TBC1D26: variants seen among roughly 807,000 people sequenced by gnomAD.
TBC1D26 encodes TBC1 domain family member 26, also known as TBC1 domain family, member 26.
TBC1D26 carries 19 observed loss-of-function variants against 42.5 expected under a neutral mutation model. The observed-to-expected ratio is 0.45, with a 90% confidence interval of 0.31 to 0.66. The LOEUF (loss-of-function observed/expected upper bound fraction) is 0.66. Ranked by LOEUF, TBC1D26 falls within the 30% of genes least tolerant of loss-of-function variation. The probability of loss-of-function intolerance (pLI) is 0.06; values close to 1 mark genes in which losing one functional copy is unlikely to be tolerated. For missense variants in TBC1D26, 228 were observed against 332.6 expected (o/e 0.69, Z 2.45); for synonymous variants, 97 against 123.5 (o/e 0.79, Z 1.42).
chr17:15,733,763 T>G (rs939403141), intron 1 of TBC1D26: 2 of 152,244 alleles, frequency 1.3e-5, no homozygotes, highest in African/African-American at 2.4e-5. Flanking sequence ...CAATGGCCCA[T>G]TATGATGGGT....
chr17:15,734,850 TC>T, intron 1 of TBC1D26, 79 bp from the exon 2 acceptor site: 1 of 181,126 alleles, frequency 5.5e-6, no homozygotes, highest in Non-Finnish European at 1.2e-5. Context: ...CTGGCGTTGT[TC>T]CTGAAGCGGC....
chr17:15,743,216 C>A (rs1422930813), intron 13 of TBC1D26, among the ~76,000 whole-genome samples, 151 bp from the exon 14 acceptor site: 1 of 152,076 alleles, frequency 6.6e-6, no homozygotes, highest in Non-Finnish European at 1.5e-5. Context: ...CCCTGCCTTC[C>A]CCAACTGTAG....
chr17:15,736,879 C>T (rs1397733524), intron 4 of TBC1D26, among the ~76,000 whole-genome samples: 3 of 152,262 alleles, frequency 2.0e-5, no homozygotes, highest in African/African-American at 7.2e-5. Flanking sequence ...GCCAGGGTGG[C>T]CGGAGAGAGG....
intron 6 of TBC1D26, 60 bp downstream of exon 6, chr17:15,738,137 C>T: frequency 6.2e-7 from 1 of 1,613,204 alleles, no homozygotes; most frequent in Non-Finnish European, 8.5e-7. Flanking sequence ...AGACAGGCAC[C>T]CATGGTTGTG....
rs1967795758 is a variant in TBC1D26 at position 15,741,922 on chromosome 17, A to G, written c.647-20A>G. ...TTTGGGCGTGGGGTCTGATGGGGTG[A>G]TGGGTCGCGGGCTTCTCAGTATTCT... is the stretch of plus-strand genomic sequence containing the variant. On this transcript the variant is annotated intron_variant, in intron 10 of 14. Coordinates refer to ENST00000437605, the MANE Select transcript of TBC1D26 (RefSeq NM_001388465.1). 6.2e-7 allele frequency: 1 copy of G among 1,612,500 alleles called. No individual in the cohort carries two copies. Among genetic ancestry groups the G allele is most frequent in the Non-Finnish European group, 8.5e-7 (1 of 1,179,216 alleles).
chr17:15,738,948 T>G (rs1262162066), intron 8 of TBC1D26, 118 bp downstream of exon 8: 12 of 1,418,508 alleles, frequency 8.5e-6, no homozygotes, highest in Middle Eastern at 2.0e-4. Context: ...CACCAAGGGC[T>G]CTCCTGGCCC....
intron 8 of TBC1D26, among the ~76,000 whole-genome samples, chr17:15,739,846 A>G (rs1967725519): frequency 6.6e-6 from 1 of 152,286 alleles, no homozygotes; most frequent in Non-Finnish European, 1.5e-5. Context: ...ACTGAGAAAA[A>G]GGGGAAGAAA....
intron 4 of TBC1D26, among the ~76,000 whole-genome samples, chr17:15,736,053 G>C (rs1164643430): frequency 1.3e-5 from 2 of 151,800 alleles, no homozygotes; most frequent in African/African-American, 4.8e-5. Flanking sequence ...AGGGCACCTG[G>C]CCTGGCCTCT....
chr17:15,738,241 C>T, intron 6 of TBC1D26, 39 bp from the exon 7 acceptor site: 1 of 1,612,912 alleles, frequency 6.2e-7, no homozygotes, highest in Admixed American at 1.7e-5. Flanking sequence ...GCGGGGTCGC[C>T]CCATGTCCTT....
In TBC1D26 at chr17:15,740,114, G is replaced by C; in HGVS notation, c.512G>C (p.Cys171Ser). The change falls in exon 9 of 15, where the codon TGT becomes TCT. Residue 171 changes from cysteine (C) to serine (S), a missense_variant. Around this residue, in one of 5 missense-constraint regions of TBC1D26, gnomAD observed 130 missense variants for 168.5 expected, o/e 0.77. Coordinates refer to ENST00000437605, the MANE Select transcript of TBC1D26 (RefSeq NM_001388465.1). ...QRFGVKQQEL[C>S]DILVAYSAYN... The stretch of plus-strand genomic sequence containing the variant: ...CTCTTTTCTAGGCAGCAGGAATTAT[G>C]TGACATCCTCGTGGCCTATTCTGCA... The C allele has an allele frequency of 6.2e-7, 1 of 1,613,168 alleles. No homozygotes were observed. Among genetic ancestry groups the C allele is most frequent in the Admixed American group, 1.7e-5 (1 of 59,958 alleles).
At chr17:15,739,514 G>A (rs1157067036) in intron 8 of TBC1D26, among the ~76,000 whole-genome samples, 58 of 152,258 alleles carry the variant, frequency 3.8e-4, no homozygotes, top group Non-Finnish European at 8.8e-5. Flanking sequence ...GAAAAGGAAC[G>A]AACCCCCAAT....
chr17:15,741,616 C>G (rs1967783319), intron 10 of TBC1D26: 4 of 479,040 alleles, frequency 8.4e-6, no homozygotes, highest in African/African-American at 1.9e-5. Flanking sequence ...ATGGAAGTGT[C>G]TGCCCATCCC....
chr17:15,743,522 C>G lies in TBC1D26; in HGVS notation c.1057+6C>G, dbSNP rs55867746. The G allele has an allele frequency of 0.19, 189,952 of 996,248 alleles. 18,404 individuals carry two copies. Among genetic ancestry groups the G allele is most frequent in the East Asian group, 0.3 (3,057 of 10,208 alleles). The allele number at this position is 996,248 out of a possible 1,614,324, so 61.7% of individuals were successfully genotyped here. A position where few individuals can be genotyped will look rare whatever the true frequency, so the allele number is the denominator to read the frequency against. ...CTGGGACCTGCCACCCCCAGGTGGG[C>G]TCTAGCACCAGGTACCCTCTGGAGT... is the stretch of plus-strand genomic sequence containing the variant. On this transcript the variant is annotated splice_donor_region_variant and intron_variant, in intron 14 of 14. Coordinates refer to ENST00000437605, the MANE Select transcript of TBC1D26 (RefSeq NM_001388465.1).
At chr17:15,741,865 C>T (rs1325333720) in intron 10 of TBC1D26, 77 bp from the exon 11 acceptor site, 4 of 1,487,376 alleles carry the variant, frequency 2.7e-6, no homozygotes, top group Non-Finnish European at 3.7e-6. Context: ...GTCCCCTGCC[C>T]TGCCCAGCTC....
intron 9 of TBC1D26, chr17:15,740,367 C>T: frequency 1.4e-6 from 2 of 1,473,194 alleles, no homozygotes; most frequent in Non-Finnish European, 1.8e-6. Flanking sequence ...AACGACCTTC[C>T]CCTCCTGGTG....
chr17:15,733,511 T>G (rs1457260093), intron 1 of TBC1D26, among the ~76,000 whole-genome samples: 1 of 152,136 alleles, frequency 6.6e-6, no homozygotes, highest in Admixed American at 6.5e-5. Context: ...TGTGGGGAGT[T>G]CTGAGGTTGG....
Position 15,737,582 on chromosome 17 carries a change from G to A in TBC1D26, c.198+59G>A, listed in dbSNP as rs549582559. The A allele has an allele frequency of 2.7e-4, 436 of 1,603,892 alleles. 1 individual carries two copies. In the African/African-American group the frequency reaches 3.1e-3, roughly 11 times the overall value. On this transcript the variant is annotated intron_variant, in intron 5 of 14. Coordinates refer to ENST00000437605, the MANE Select transcript of TBC1D26 (RefSeq NM_001388465.1). ...TTCAGGGACTGGGAATCGGGTGGTCGGTAAGGCAGAGGGGGTGGCCTGTGG... is the reference window on the plus strand; with the variant it reads ...TTCAGGGACTGGGAATCGGGTGGTCAGTAAGGCAGAGGGGGTGGCCTGTGG...
At chr17:15,741,563 C>G in intron 10 of TBC1D26, 1 of 468,840 alleles carries the variant, frequency 2.1e-6, no homozygotes, top group Non-Finnish European at 3.9e-6. Context: ...TGGCTGTGCT[C>G]CCAGCCACCC....
At chr17:15,741,565 C>T in intron 10 of TBC1D26, 1 of 470,378 alleles carries the variant, frequency 2.1e-6, no homozygotes. Flanking sequence ...GCTGTGCTCC[C>T]AGCCACCCTC....
Sources: gnomAD v4.1 joint callset for allele counts (sites outside exome capture counted in the v4.1 genomes callset) on GRCh38, gnomAD v4.1.1 for gene constraint, gnomAD v4.1.1 regional missense constraint, MANE v1.5 for transcripts, NCBI Gene and HGNC (gene_info 2026-07-23, HGNC 2026-07-21) for gene names.